The following ONECUT3 variants were observed in gnomAD, a reference collection of about 807,000 sequenced individuals.
ONECUT3 encodes the protein one cut domain family member 3.
A neutral mutation model predicts 16.8 loss-of-function variants in ONECUT3; 11 were observed. The ratio of observed to expected loss-of-function variants is 0.66; its 90% CI spans 0.41 to 1.09. The LOEUF is 1.09. Ranked by LOEUF, ONECUT3 falls within the 50% of genes least tolerant of loss-of-function variation. The pLI is 0.00. For synonymous variants in ONECUT3, 344 were observed against 310.7 expected, an observed-to-expected ratio of 1.11 and a Z score of -1.13; for missense variants, 637 against 629.9, an observed-to-expected ratio of 1.01 and a Z score of -0.12.
rs1351375143 is a variant in ONECUT3, at chr19:1,778,722, A to G, written c.*3277A>G. Reference sequence around the variant, plus strand: ...CTCTTGGTCACAGAAGTGGCCCAGCAGCACTTTGGGAGGCCGAGACAGGAG... The same window carrying G: ...CTCTTGGTCACAGAAGTGGCCCAGCGGCACTTTGGGAGGCCGAGACAGGAG... On this transcript the variant is annotated 3_prime_UTR_variant, in exon 2 of 2. Transcript: ENST00000382349. 1 of 152,330 alleles carries G rather than the reference A, an allele frequency of 6.6e-6. No individual in the cohort carries two copies. The highest frequency in any genetic ancestry group is 2.4e-5 in the African/African-American group (1 of 41,364). 9.4% of individuals were successfully genotyped at this position (152,330 alleles called of 1,614,324 possible).
chr19:1,775,072 C>T (rs1289404410), intron 1 of ONECUT3, 81 bp from the exon 2 acceptor site: 1 of 871,830 alleles, frequency 1.1e-6, no homozygotes, highest in East Asian at 3.0e-5. Flanking sequence ...CTCCGGGCGG[C>T]GTGCGCCTCC....
At position 1,753,746 on chromosome 19, in the gene ONECUT3, G is replaced by A. The variant is rs2067900468; in HGVS notation, c.84G>A (p.Ala28=). Residue 28 remains alanine (A), a synonymous_variant, in exon 1 of 2, where the codon GCG becomes GCA. Coordinates refer to ENST00000382349, the MANE Select transcript of ONECUT3 (RefSeq NM_001080488.2). The part of the protein sequence containing the change: ...QAGELLSPGH[A]RSAAAQHRGL... ...GCGAGCTGCTGAGCCCGGGCCACGC[G>A]CGCTCGGCGGCGGCGCAGCACCGCG... The A allele has an allele frequency of 7.9e-6, 8 of 1,017,774 alleles. No homozygotes were observed. The highest frequency in any genetic ancestry group is 9.4e-6 in the Non-Finnish European group (8 of 853,118). The allele number at this position is 1,017,774 out of a possible 1,614,324, so 63.0% of individuals were successfully genotyped here.
At chr19:1,763,392 A>AAAAAAAAAAAAAAAAAAAC (rs1308535206) in intron 1 of ONECUT3, among the ~76,000 whole-genome samples, 1 of 137,068 alleles carries the variant, frequency 7.3e-6, no homozygotes, top group Non-Finnish European at 1.5e-5. Flanking sequence ...AAAAAAAAAA[A>AAAAAAAAAAAAAAAAAAAC]AAAATTAGCC....
intron 1 of ONECUT3, among the ~76,000 whole-genome samples, chr19:1,756,432 C>T (rs538722545): frequency 2.6e-5 from 4 of 152,354 alleles, no homozygotes; most frequent in Admixed American, 2.6e-4. Context: ...TACAGCGGCA[C>T]TCGTGCGCTC....
At chr19:1,771,274 A>G (rs2068052006) in intron 1 of ONECUT3, among the ~76,000 whole-genome samples, 1 of 151,958 alleles carries the variant, frequency 6.6e-6, no homozygotes, top group Non-Finnish European at 1.5e-5. Flanking sequence ...TTTCTCTTTC[A>G]GCTAGGTTGG....
chr19:1,758,231 G>C lies in ONECUT3; in HGVS notation c.1192+3377G>C, dbSNP rs1331634748. Among the ~76,000 whole-genome samples the C allele has an allele frequency of 6.7e-6, 1 of 148,412 alleles. No individual in the cohort carries two copies. On this transcript the variant is annotated intron_variant, in intron 1 of 1. Coordinates refer to ENST00000382349, the MANE Select transcript of ONECUT3 (RefSeq NM_001080488.2). This position sits in a 1 kb window ranked among gnomAD's most constrained non-coding sequence, Gnocchi z 5.9. Reference sequence around the variant, plus strand: ...AGACCGGGAGCGGGAGAAACAGACGGGGAGAAGAGAAAAAGAAGCCCAGAA... The same window carrying C: ...AGACCGGGAGCGGGAGAAACAGACGCGGAGAAGAGAAAAAGAAGCCCAGAA...
rs112257621 is a variant in ONECUT3, at chr19:1,766,812, C to G, written c.1193-8341C>G. On this transcript the variant is annotated intron_variant, in intron 1 of 1. Coordinates refer to ENST00000382349, the MANE Select transcript of ONECUT3 (RefSeq NM_001080488.2). The surrounding 1 kb of genome is among the most constrained non-coding windows in gnomAD (Gnocchi z 4.0). ...GGTCTTGCAGGCTGGGCTGAGACCC[C>G]CCCCCCATGCTCCACCACCCTCGTG... Among the ~76,000 whole-genome samples, 81 of 152,154 alleles carry G rather than the reference C, an allele frequency of 5.3e-4. No homozygotes were observed. The highest frequency in any genetic ancestry group is 1.8e-3 in the African/African-American group (76 of 41,482).
intron 1 of ONECUT3, among the ~76,000 whole-genome samples, chr19:1,756,037 G>A (rs1568591996): frequency 6.6e-6 from 1 of 152,146 alleles, no homozygotes; most frequent in Non-Finnish European, 1.5e-5. Flanking sequence ...AGAAAGGCGG[G>A]GGCTCTGGGA....
chr19:1,758,734 C>T lies in ONECUT3; in HGVS notation c.1192+3880C>T, dbSNP rs1157535793. On this transcript the variant is annotated intron_variant, in intron 1 of 1. Coordinates refer to ENST00000382349, the MANE Select transcript of ONECUT3 (RefSeq NM_001080488.2). This position sits in a 1 kb window ranked among gnomAD's most constrained non-coding sequence, Gnocchi z 5.9. ...CCTGGTCAAAGCTCTCCCCTGGCGCCGTCTCCAACAGTAATTATGGGAGAG... is the reference window on the plus strand; with the variant it reads ...CCTGGTCAAAGCTCTCCCCTGGCGCTGTCTCCAACAGTAATTATGGGAGAG... Among the ~76,000 whole-genome samples the T allele has an allele frequency of 6.8e-6, 1 of 147,776 alleles. No homozygotes were observed.
rs2067907069 is a variant in ONECUT3 at position 1,754,599 on chromosome 19, A to C, written c.937A>C (p.Ser313Arg). Residue 313 changes from serine to arginine, a missense_variant, in exon 1 of 2, where the codon AGC becomes CGC. Physicochemically the swap from Ser to Arg is moderately radical, Grantham distance 110. Transcript: ENST00000382349. The surrounding 1 kb of genome is among the most constrained non-coding windows in gnomAD (Gnocchi z 7.4). ...CCCCGGCGGGAGCGGCGGCGGCCCC[A>C]GCGCGGGCGCAGCGGCCGAGGAGAT... The part of the protein sequence containing the change: ...GGPGGSGGGP[S>R]AGAAAEEINT... 1 of 1,343,818 alleles carries C rather than the reference A, an allele frequency of 7.4e-7. No individual in the cohort carries two copies. The highest frequency in any genetic ancestry group is 9.6e-7 in the Non-Finnish European group (1 of 1,037,410). The allele number at this position is 1,343,818 out of a possible 1,614,324, so 83.2% of individuals were successfully genotyped here.
Position 1,754,905 on chromosome 19 carries a change from CCCGAGCACCTAGCGGGGCGGCGG to C in ONECUT3, c.1192+56_1192+78del. ...ACCCTGGGGGCGCCGGCTCTGGACT[CCCGAGCACCTAGCGGGGCGGCGG>C]CCGATGCCCGGGGCCAGCGCCCCAA... is the stretch of plus-strand genomic sequence containing the variant. On this transcript the variant is annotated intron_variant, in intron 1 of 1. Transcript: ENST00000382349. The surrounding 1 kb of genome is among the most constrained non-coding windows in gnomAD (Gnocchi z 7.4). 1 of 1,304,746 alleles carries C rather than the reference CCCGAGCACCTAGCGGGGCGGCGG, an allele frequency of 7.7e-7. No individual in the cohort carries two copies. Among genetic ancestry groups the C allele is most frequent in the Admixed American group, 3.9e-5 (1 of 25,502 alleles). 80.8% of individuals were successfully genotyped at this position (1,304,746 alleles called of 1,614,324 possible).
rs1268663891 is a variant in ONECUT3, at chr19:1,775,446, G to C, written c.*1G>C. 1 of 1,483,804 alleles carries C rather than the reference G, an allele frequency of 6.7e-7. No homozygotes were observed. The highest frequency in any genetic ancestry group is 2.5e-5 in the Admixed American group (1 of 39,952). 91.9% of individuals were successfully genotyped at this position (1,483,804 alleles called of 1,614,324 possible). A position where few individuals can be genotyped will look rare whatever the true frequency, so the allele number is the denominator to read the frequency against. ...CACGGCCACTTTCTCCAAGGCCTGA[G>C]GCGCCCCGGCCCCGCGCCCTCCCTG... On this transcript the variant is annotated 3_prime_UTR_variant, in exon 2 of 2. Transcript: ENST00000382349.
At chr19:1,760,596 T>C (rs900598335) in intron 1 of ONECUT3, among the ~76,000 whole-genome samples, 1 of 151,610 alleles carries the variant, frequency 6.6e-6, no homozygotes, top group Non-Finnish European at 1.5e-5. Flanking sequence ...TATGATGATG[T>C]TGTGGGCATG....
In ONECUT3 at chr19:1,759,663, G is replaced by A. The variant is rs1380187483; in HGVS notation, c.1192+4809G>A. On this transcript the variant is annotated intron_variant, in intron 1 of 1. Transcript: ENST00000382349. The surrounding 1 kb of genome is among the most constrained non-coding windows in gnomAD (Gnocchi z 4.1). The stretch of plus-strand genomic sequence containing the variant: ...TAGAGATAACCAAGGTTGGGGGCTT[G>A]GAGACCCGGGCCTTCCCTGGGCTCT... 2.0e-5 allele frequency among the ~76,000 whole-genome samples: 3 copies of A among 152,230 alleles called. No individual in the cohort carries two copies. Among genetic ancestry groups the A allele is most frequent in the African/African-American group, 7.2e-5 (3 of 41,460 alleles).
chr19:1,776,377 G>C lies in ONECUT3; in HGVS notation c.*932G>C, dbSNP rs920719902. ...GAGAAGGCGCCGCTGGGGCCGCCCG[G>C]AGGAGCCCCTCTGCACGGGCCCGTG... On this transcript the variant is annotated 3_prime_UTR_variant, in exon 2 of 2. Coordinates refer to ENST00000382349, the MANE Select transcript of ONECUT3 (RefSeq NM_001080488.2). This position sits in a 1 kb window ranked among gnomAD's most constrained non-coding sequence, Gnocchi z 4.9. 10 of 152,240 alleles carry C rather than the reference G, an allele frequency of 6.6e-5. No homozygotes were observed. Among genetic ancestry groups the C allele is most frequent in the African/African-American group, 2.4e-4 (10 of 41,450 alleles). The allele number at this position is 152,240 out of a possible 1,614,324, so 9.4% of individuals were successfully genotyped here.
chr19:1,775,362 C>T lies in ONECUT3; in HGVS notation c.1402C>T (p.Arg468Cys). The change falls in exon 2 of 2, where the codon CGC (arginine) becomes TGC (cysteine). Residue 468 changes from arginine (R) to cysteine (C), a missense_variant. Physicochemically the swap from Arg to Cys is radical, Grantham distance 180. Coordinates refer to ENST00000382349, the MANE Select transcript of ONECUT3 (RefSeq NM_001080488.2). ...CAACTTCTTCATGAACGCGCGGCGC[C>T]GCTGCATGAACCGCTGGGCTGAGGA... ...VSNFFMNARR[R>C]CMNRWAEEPS... The T allele has an allele frequency of 6.5e-7, 1 of 1,537,224 alleles. No individual in the cohort carries two copies.
At position 1,775,820 on chromosome 19, in the gene ONECUT3, A is replaced by C; in HGVS notation, c.*375A>C. 2 of 164,200 alleles carry C rather than the reference A, an allele frequency of 1.2e-5. No individual in the cohort carries two copies. Among genetic ancestry groups the C allele is most frequent in the African/African-American group, 2.4e-5 (1 of 42,026 alleles). 10.2% of individuals were successfully genotyped at this position (164,200 alleles called of 1,614,324 possible). A position where few individuals can be genotyped will look rare whatever the true frequency, so the allele number is the denominator to read the frequency against. ...GGGTCAAGAAGCACATACTAGAAAT[A>C]TAAACCGGGTATTTAAAAATGGAAT... On this transcript the variant is annotated 3_prime_UTR_variant, in exon 2 of 2. Transcript: ENST00000382349.
rs1308431162 is a variant in ONECUT3 at position 1,759,192 on chromosome 19, G to T, written c.1192+4338G>T. ...TGCATGCTGAGGGCAGCTGGTGCAGGAATTGGGCACCTCTGTTTGGTGGTG... is the reference window on the plus strand; with the variant it reads ...TGCATGCTGAGGGCAGCTGGTGCAGTAATTGGGCACCTCTGTTTGGTGGTG... On this transcript the variant is annotated intron_variant, in intron 1 of 1. Transcript: ENST00000382349. This position sits in a 1 kb window ranked among gnomAD's most constrained non-coding sequence, Gnocchi z 4.1. 6.6e-6 allele frequency among the ~76,000 whole-genome samples: 1 copy of T among 152,218 alleles called. No homozygotes were observed. Among genetic ancestry groups the T allele is most frequent in the African/African-American group, 2.4e-5 (1 of 41,450 alleles).
intron 1 of ONECUT3, among the ~76,000 whole-genome samples, chr19:1,772,964 A>G (rs1463394337): frequency 2.0e-5 from 3 of 151,124 alleles, no homozygotes; most frequent in Non-Finnish European, 4.4e-5. Context: ...CGGCCTCCCA[A>G]AGTGCTGGGA....
Sources: allele counts gnomAD v4.1 joint callset (sites outside exome capture counted in the v4.1 genomes callset), GRCh38; gene constraint gnomAD v4.1.1; non-coding constraint Gnocchi (gnomAD v3.1); transcripts MANE v1.5; gene names NCBI Gene and HGNC (gene_info 2026-07-23, HGNC 2026-07-21).